The following SENP8 variants were observed in gnomAD, a reference collection of about 807,000 sequenced individuals.
The protein encoded by SENP8 is SUMO peptidase family member, NEDD8 specific, also known as sentrin-specific protease 8.
SENP8 carries 10 observed loss-of-function variants against 14.4 expected under a neutral mutation model. The ratio of observed to expected loss-of-function variants is 0.69; its 90% CI spans 0.43 to 1.18. SENP8 has a LOEUF of 1.18. Ranked by LOEUF, SENP8 falls within the 50% of genes most tolerant of loss-of-function variation. The pLI, the probability that SENP8 is intolerant of heterozygous loss-of-function variation, is 0.00. For synonymous variants in SENP8, 94 were observed against 95.5 expected (o/e 0.98, Z 0.09); for missense variants, 202 against 249.4 (o/e 0.81, Z 1.28).
upstream of SENP8, chr15:72,118,198 G>C (rs1323256725): frequency 8.4e-6 from 3 of 358,194 alleles, no homozygotes; most frequent in East Asian, 1.2e-4. Context: ...GCCCCGCCCT[G>C]TCCCGCCCCC....
chr15:72,124,148 A>G (rs553884558), intron 1 of SENP8, among the ~76,000 whole-genome samples: 8 of 152,238 alleles, frequency 5.3e-5, no homozygotes, highest in South Asian at 2.1e-4. Context: ...GCTCATTTAT[A>G]AAATTGAGAA....
intron 1 of SENP8, among the ~76,000 whole-genome samples, chr15:72,138,282 T>G (rs2081346111): frequency 6.6e-6 from 1 of 152,118 alleles, no homozygotes; most frequent in Non-Finnish European, 1.5e-5. Context: ...ATAGTTACAG[T>G]TGACCCTTGA....
At chr15:72,115,254 A>AT (rs565049125), upstream of SENP8, among the ~76,000 whole-genome samples, 100 of 152,254 alleles carry the variant, frequency 6.6e-4, no homozygotes, top group African/African-American at 2.4e-3. Context: ...CTTCTGTATG[A>AT]TTTTGCCTCC....
chr15:72,129,799 AC>A (rs1240281723), intron 1 of SENP8, among the ~76,000 whole-genome samples: 2 of 150,746 alleles, frequency 1.3e-5, no homozygotes, highest in African/African-American at 4.9e-5. Flanking sequence ...CCGTGATTGC[AC>A]CACTGCATTC....
chr15:72,119,454 A>G (rs1232464801), intron 1 of SENP8, among the ~76,000 whole-genome samples: 1 of 152,176 alleles, frequency 6.6e-6, no homozygotes, highest in Non-Finnish European at 1.5e-5. Flanking sequence ...TAACATTAAG[A>G]TGGAGGTCAT....
chr15:72,127,913 A>G (rs1466266172), intron 1 of SENP8, among the ~76,000 whole-genome samples: 1 of 152,050 alleles, frequency 6.6e-6, no homozygotes, highest in Admixed American at 6.6e-5. Flanking sequence ...ACATAGTGAG[A>G]CCCTGCCTCT....
upstream of SENP8, chr15:72,118,291 T>C (rs1352340398): frequency 3.7e-6 from 1 of 273,830 alleles, no homozygotes; most frequent in African/African-American, 2.2e-5. Flanking sequence ...CCGCCCAAAT[T>C]TTTTCTTCTT....
At chr15:72,114,626 G>C (rs2080902741), upstream of SENP8, 1 of 152,196 alleles carries the variant, frequency 6.6e-6, no homozygotes, top group South Asian at 2.1e-4. Context: ...GGGGAAAAGA[G>C]GCAGGAAGAG....
intron 1 of SENP8, among the ~76,000 whole-genome samples, chr15:72,138,022 T>G (rs2081343430): frequency 6.6e-6 from 1 of 152,150 alleles, no homozygotes; most frequent in African/African-American, 2.4e-5. Flanking sequence ...GTATTTCCCT[T>G]GGAAATTAGT....
chr15:72,139,633 G>T lies in SENP8; in HGVS notation c.10G>T (p.Val4Leu). 1 of 1,613,542 alleles carries T rather than the reference G, an allele frequency of 6.2e-7. No individual in the cohort carries two copies. Among genetic ancestry groups the T allele is most frequent in the Non-Finnish European group, 8.5e-7 (1 of 1,179,640 alleles). The change falls in exon 2 of 2, where the codon GTA becomes TTA. Residue 4 changes from valine to leucine, a missense_variant. Coordinates refer to ENST00000340912, the MANE Select transcript of SENP8 (RefSeq NM_145204.4). ...CCCTCGTCAGTACAAGATGGACCCC[G>T]TAGTCTTGAGTTACATGGACAGTCT... Reference protein sequence around the residue: MDPVVLSYMDSLLR... With the variant: MDPLVLSYMDSLLR...
chr15:72,133,934 TTTTG>T (rs1285961695), intron 1 of SENP8, among the ~76,000 whole-genome samples: 1 of 152,242 alleles, frequency 6.6e-6, no homozygotes, highest in Admixed American at 6.5e-5. Flanking sequence ...CTTTGTCTTT[TTTTG>T]TTTATTTGTT....
rs1437436634 is a variant in SENP8 at position 72,141,807 on chromosome 15, T to A, written c.*1545T>A. 6.6e-6 allele frequency: 1 copy of A among 151,344 alleles called. No individual in the cohort carries two copies. Among genetic ancestry groups the A allele is most frequent in the African/African-American group, 2.5e-5 (1 of 40,624 alleles). The allele number at this position is 151,344 out of a possible 1,614,324, so 9.4% of individuals were successfully genotyped here. A position where few individuals can be genotyped will look rare whatever the true frequency, so the allele number is the denominator to read the frequency against. On this transcript the variant is annotated 3_prime_UTR_variant, in exon 2 of 2. Coordinates refer to ENST00000340912, the MANE Select transcript of SENP8 (RefSeq NM_145204.4). ...TGGGGCTAGGAAAAAGATTAGGAAC[T>A]GGCAGTCATCCATAGAGGTGAAATA...
chr15:72,129,368 A>AT (rs896162237), intron 1 of SENP8, among the ~76,000 whole-genome samples: 1,870 of 144,238 alleles, frequency 0.013, 52 homozygotes, highest in Admixed American at 0.059. Context: ...ATCTCTACAA[A>AT]TTTTTTTTTT....
chr15:72,121,279 T>G, intron 1 of SENP8, among the ~76,000 whole-genome samples: 1 of 152,240 alleles, frequency 6.6e-6, no homozygotes, highest in East Asian at 1.9e-4. Flanking sequence ...AATTTGTAGT[T>G]ACTTTGGTAG....
At chr15:72,130,950 A>G (rs2081268279) in intron 1 of SENP8, among the ~76,000 whole-genome samples, 1 of 152,186 alleles carries the variant, frequency 6.6e-6, no homozygotes, top group African/African-American at 2.4e-5. Flanking sequence ...GGAAACTTAG[A>G]AAAGAGCTAG....
chr15:72,135,472 CTTTACAGAAAAGGAAAG>C (rs1037384573), intron 1 of SENP8: 1 of 151,618 alleles, frequency 6.6e-6, no homozygotes, highest in Non-Finnish European at 1.5e-5. Flanking sequence ...AATATTTTCA[CTTTACAGAAAAGGAAAG>C]TGAGAGTTAA....
rs1220599735 is a variant in SENP8 at position 72,140,375 on chromosome 15, T to TA, written c.*114dup. ...AGATGCCTAGTAGAGGAAAGCTTAA[T>TA]ACTCTTTTTCCTGAAAGAATATCAT... On this transcript the variant is annotated 3_prime_UTR_variant, in exon 2 of 2. Transcript: ENST00000340912. The TA allele has an allele frequency of 2.2e-5, 16 of 736,084 alleles. No homozygotes were observed. In the East Asian group the frequency reaches 4.0e-4, roughly 18 times the overall value. The allele number at this position is 736,084 out of a possible 1,614,324, so 45.6% of individuals were successfully genotyped here.
chr15:72,118,262 TC>T (rs981363981), upstream of SENP8: 14 of 310,746 alleles, frequency 4.5e-5, no homozygotes, highest in African/African-American at 1.7e-4. Flanking sequence ...ACGCCCCCTT[TC>T]CTACGCCCCA....
intron 1 of SENP8, among the ~76,000 whole-genome samples, chr15:72,133,409 C>T (rs566202589): frequency 6.6e-5 from 10 of 152,304 alleles, no homozygotes; most frequent in East Asian, 1.9e-4. Context: ...CATTCTAGCA[C>T]GCTAGACTAT....
Sources: allele counts gnomAD v4.1 joint callset (sites outside exome capture counted in the v4.1 genomes callset), GRCh38; gene constraint gnomAD v4.1.1; transcripts MANE v1.5; gene names NCBI Gene and HGNC (gene_info 2026-07-23, HGNC 2026-07-21).